Variants in IGFL2 observed in about 807,000 individuals in gnomAD.
The protein encoded by IGFL2 is IGF like family member 2.
A neutral mutation model predicts 13.9 loss-of-function variants in IGFL2; 7 were observed. That is an observed-to-expected ratio of 0.51 (90% confidence interval 0.29 to 0.95). The LOEUF is 0.95. Among genes scored for constraint, IGFL2 ranks in the 40% least tolerant of loss-of-function variants. IGFL2 has a pLI of 0.08. For synonymous variants in IGFL2, 55 were observed against 55.8 expected (o/e 0.99, Z 0.07); for missense variants, 138 against 147.8 (o/e 0.93, Z 0.34).
the IGFL2 span, among the ~76,000 whole-genome samples, chr19:46,193,539 T>C: frequency 6.6e-6 from 1 of 152,112 alleles, no homozygotes; most frequent in Non-Finnish European, 1.5e-5. Flanking sequence ...GTAAAGTGCT[T>C]CCTTTCAGTA....
the IGFL2 span, chr19:46,137,625 C>T: frequency 1.2e-6 from 1 of 866,244 alleles, no homozygotes; most frequent in Non-Finnish European, 1.9e-6. Flanking sequence ...TGCAGAGGAG[C>T]AGGACCCTGC....
the IGFL2 span, among the ~76,000 whole-genome samples, chr19:46,108,635 G>C: frequency 6.6e-6 from 1 of 152,036 alleles, no homozygotes; most frequent in Non-Finnish European, 1.5e-5. Flanking sequence ...CCACCCAGGG[G>C]AGGTGGTGCT....
At chr19:46,103,052 GAGA>G in the IGFL2 span, among the ~76,000 whole-genome samples, 1 of 152,156 alleles carries the variant, frequency 6.6e-6, no homozygotes, top group East Asian at 1.9e-4. Context: ...GTCCAAATAA[GAGA>G]AGGAGAAAAA....
the IGFL2 span, chr19:46,120,247 C>A: frequency 6.3e-7 from 1 of 1,590,060 alleles, no homozygotes. Flanking sequence ...TGCTTCTCTC[C>A]GAAGTTCAAC....
At chr19:46,139,839 A>ATATTTATATGTGTGTATG (rs1286687867), upstream of IGFL2, among the ~76,000 whole-genome samples, 130 of 151,640 alleles carry the variant, frequency 8.6e-4, no homozygotes, top group African/African-American at 3.1e-3. Flanking sequence ...ATGTCTATAT[A>ATATTTATATGTGTGTATG]TATTTATATG....
the IGFL2 span, among the ~76,000 whole-genome samples, chr19:46,079,286 C>G: frequency 6.6e-6 from 1 of 152,244 alleles, no homozygotes; most frequent in African/African-American, 2.4e-5. Context: ...TTGGGTGGGA[C>G]AAGAATCCTC....
chr19:46,199,439 G>A, the IGFL2 span, among the ~76,000 whole-genome samples: 3 of 152,282 alleles, frequency 2.0e-5, no homozygotes, highest in African/African-American at 7.2e-5. Flanking sequence ...GGGACTCCAC[G>A]GGGCTGGCGG....
At chr19:46,180,296 A>T in the IGFL2 span, among the ~76,000 whole-genome samples, 6 of 151,396 alleles carry the variant, frequency 4.0e-5, no homozygotes, top group Middle Eastern at 3.5e-3. Context: ...CTCCTGCCAC[A>T]GCCTCACGAG....
chr19:46,101,191 A>C, the IGFL2 span: 2 of 152,334 alleles, frequency 1.3e-5, no homozygotes, highest in East Asian at 3.9e-4. Flanking sequence ...TGGGGGTCTC[A>C]CCCAGTCGCG....
the IGFL2 span, among the ~76,000 whole-genome samples, chr19:46,187,230 T>G: frequency 6.7e-6 from 1 of 149,504 alleles, no homozygotes; most frequent in African/African-American, 2.5e-5. Context: ...ATTAACCCGT[T>G]TAAACCTGAG....
the IGFL2 span, among the ~76,000 whole-genome samples, chr19:46,097,903 A>G: frequency 2.6e-5 from 4 of 152,178 alleles, no homozygotes; most frequent in Non-Finnish European, 4.4e-5. Context: ...TGCATTTGCT[A>G]AAGAGTGTTT....
At chr19:46,194,851 TA>T in the IGFL2 span, among the ~76,000 whole-genome samples, 540 of 29,096 alleles carry the variant, frequency 0.019, 1 homozygote, top group Admixed American at 0.025. Context: ...TATATATATA[TA>T]TTTTTTTTTT....
the IGFL2 span, chr19:46,124,119 C>T: frequency 3.0e-4 from 483 of 1,610,858 alleles, 14 homozygotes; most frequent in South Asian, 4.9e-3. Flanking sequence ...ACCTGGGTGT[C>T]GGCTGGCACA....
At chr19:46,172,075 C>T in the IGFL2 span, among the ~76,000 whole-genome samples, 1 of 152,066 alleles carries the variant, frequency 6.6e-6, no homozygotes, top group African/African-American at 2.4e-5. Context: ...CTGGAGTAGT[C>T]CTTGGCAGGA....
At chr19:46,194,856 T>A in the IGFL2 span, among the ~76,000 whole-genome samples, 2,182 of 33,396 alleles carry the variant, frequency 0.065, 17 homozygotes, top group Non-Finnish European at 0.13. Context: ...ATATATATTT[T>A]TTTTTTTTTT....
rs1209756084 is a variant in IGFL2 at position 46,161,091 on chromosome 19, A to G, written c.*3A>G. On this transcript the variant is annotated 3_prime_UTR_variant, in exon 4 of 4. Transcript: ENST00000377693. Reference sequence around the variant, plus strand: ...GTAGCAGAAGACGTTTTCCCTGAGAAGACATAGAAAGAAAATCAACTTTCA... The same window carrying G: ...GTAGCAGAAGACGTTTTCCCTGAGAGGACATAGAAAGAAAATCAACTTTCA... 1 of 1,587,350 alleles carries G rather than the reference A, an allele frequency of 6.3e-7. No homozygotes were observed. The highest frequency in any genetic ancestry group is 8.6e-7 in the Non-Finnish European group (1 of 1,164,438).
chr19:46,151,173 G>T (rs73048053), intron 1 of IGFL2, among the ~76,000 whole-genome samples: 3,202 of 152,198 alleles, frequency 0.021, 61 homozygotes, highest in Middle Eastern at 0.034. Flanking sequence ...TGTGGTATTT[G>T]TCTTTCTGTG....
the IGFL2 span, among the ~76,000 whole-genome samples, chr19:46,201,387 T>G: frequency 6.6e-6 from 1 of 152,250 alleles, no homozygotes; most frequent in African/African-American, 2.4e-5. Context: ...CATTCTGGCC[T>G]CTGGGTTCAG....
chr19:46,200,683 T>TA, the IGFL2 span: 523 of 142,974 alleles, frequency 3.7e-3, no homozygotes, highest in East Asian at 0.012. Context: ...GCCCAGCTTT[T>TA]AAAAAAAAAA....
Sources: gnomAD v4.1 joint callset for allele counts (sites outside exome capture counted in the v4.1 genomes callset) on GRCh38, gnomAD v4.1.1 for gene constraint, MANE v1.5 for transcripts, NCBI Gene and HGNC (gene_info 2026-07-23, HGNC 2026-07-21) for gene names.